Variants in PLIN4 observed in about 807,000 individuals in gnomAD.
The protein encoded by PLIN4 is perilipin 4.
PLIN4 carries 57 observed loss-of-function variants against 52.4 expected under a neutral mutation model. The observed-to-expected ratio is 1.09, with a 90% confidence interval of 0.88 to 1.36. The LOEUF is 1.36. PLIN4 is among the 40% of genes most tolerant of loss of function. The pLI, the probability that PLIN4 is intolerant of heterozygous loss-of-function variation, is 0.00. For synonymous variants in PLIN4, 826 were observed against 785.4 expected (o/e 1.05, Z -0.86); for missense variants, 1,757 against 1,770.3 (o/e 0.99, Z 0.13).
At chr19:4,514,280 A>G (rs2145297364) in intron 4 of PLIN4, among the ~76,000 whole-genome samples, 1 of 152,096 alleles carries the variant, frequency 6.6e-6, no homozygotes, top group South Asian at 2.1e-4. Flanking sequence ...AACAAGACCC[A>G]GTCTCTACAA....
Position 4,510,789 on chromosome 19 carries a change from A to G in PLIN4, c.3171T>C (p.Pro1057=), listed in dbSNP as rs771128108. 6.3e-7 allele frequency: 1 copy of G among 1,594,266 alleles called. No homozygotes were observed. The highest frequency in any genetic ancestry group is 8.6e-7 in the Non-Finnish European group (1 of 1,167,396). The change falls in exon 5 of 8, where the codon CCT becomes CCC. Residue 1057 remains proline, a synonymous_variant. Coordinates refer to ENST00000301286, the MANE Select transcript of PLIN4 (RefSeq NM_001367868.2). ...CACCCCAGGAGGTGGCGGGGGTACTAGGTAACCAGTTCTGGAAGGTGCTGA... is the reference window on the plus strand; with the variant it reads ...CACCCCAGGAGGTGGCGGGGGTACTGGGTAACCAGTTCTGGAAGGTGCTGA... ...TGLSTFQNWL[P]STPATSWGGL...
chr19:4,510,473 A>G lies in PLIN4; in HGVS notation c.3487T>C (p.Phe1163Leu). 7.0e-7 allele frequency: 1 copy of G among 1,437,364 alleles called. No individual in the cohort carries two copies. The highest frequency in any genetic ancestry group is 1.8e-5 in the South Asian group (1 of 56,460). The allele number at this position is 1,437,364 out of a possible 1,614,324, so 89.0% of individuals were successfully genotyped here. Residue 1163 changes from phenylalanine (F) to leucine (L), a missense_variant, in exon 5 of 8, where the codon TTC becomes CTC. Around this residue, in one of 7 missense-constraint regions of PLIN4, gnomAD observed 712 missense variants for 637.1 expected, o/e 1.12. Transcript: ENST00000301286. ...TGCTCCTCCGCATTCATGGGGTGGA[A>G]GATGTCCCCCAGCCCCTCCAACTCA... The part of the protein sequence containing the change: ...QNELEGLGDI[F>L]HPMNAEEQAQ...
intron 6 of PLIN4, among the ~76,000 whole-genome samples, chr19:4,505,862 C>T (rs951371423): frequency 1.3e-5 from 2 of 152,138 alleles, no homozygotes; most frequent in East Asian, 3.9e-4. Flanking sequence ...CTAATATCCA[C>T]TCTGCAACCC....
Position 4,513,117 on chromosome 19 carries a change from C to A in PLIN4, c.843G>T (p.Val281=), listed in dbSNP as rs539905424. The A allele has an allele frequency of 1.7e-5, 12 of 715,030 alleles. No individual in the cohort carries two copies. Among genetic ancestry groups the A allele is most frequent in the South Asian group, 1.6e-4 (10 of 63,000 alleles). The allele number at this position is 715,030 out of a possible 1,614,324, so 44.3% of individuals were successfully genotyped here. A position where few individuals can be genotyped will look rare whatever the true frequency, so the allele number is the denominator to read the frequency against. Residue 281 remains valine (V), a synonymous_variant, in exon 5 of 8, where the codon GTG becomes GTT. Coordinates refer to ENST00000301286, the MANE Select transcript of PLIN4 (RefSeq NM_001367868.2). ...CGCCGGTCTGGATGGTTCCTTTGGC[C>A]ACATTCATGGCACCAGTCACCCCAC... ...VCSGVTGAMN[V]AKGTIQTGVD... is the part of the protein sequence containing the mutation.
rs185983660 is a variant in PLIN4 at position 4,517,459 on chromosome 19, C to T, written c.196+95G>A. The T allele has an allele frequency of 7.0e-5, 100 of 1,436,710 alleles. No individual in the cohort carries two copies. In the African/African-American group the frequency reaches 1.3e-3, roughly 18 times the overall value. The allele number at this position is 1,436,710 out of a possible 1,614,324, so 89.0% of individuals were successfully genotyped here. A position where few individuals can be genotyped will look rare whatever the true frequency, so the allele number is the denominator to read the frequency against. On this transcript the variant is annotated intron_variant, in intron 3 of 7. Transcript: ENST00000301286. Reference sequence around the variant, plus strand: ...AGAGCACACAGACAAATATGGAGGACTCCCCAAATGGCTGGAAGTCCCTGC... The same window carrying T: ...AGAGCACACAGACAAATATGGAGGATTCCCCAAATGGCTGGAAGTCCCTGC...
At chr19:4,508,279 C>T (rs182476332) in intron 6 of PLIN4, among the ~76,000 whole-genome samples, 64 of 152,212 alleles carry the variant, frequency 4.2e-4, no homozygotes, top group African/African-American at 1.5e-3. Context: ...TTTTTTGAGA[C>T]AGAGTCTTGC....
rs1340962459 is a variant in PLIN4, at chr19:4,510,982, G to A, written c.2978C>T (p.Thr993Ile). Residue 993 changes from threonine (T) to isoleucine (I), a missense_variant, in exon 5 of 8, where the codon ACC becomes ATC. Around this residue, in one of 7 missense-constraint regions of PLIN4, gnomAD observed 712 missense variants for 637.1 expected, o/e 1.12. Coordinates refer to ENST00000301286, the MANE Select transcript of PLIN4 (RefSeq NM_001367868.2). ...VDASKAVLMG[T>I]KDTVFSGVTG... ...AACCCCACTGAAGACAGTGTCCTTGGTACCCATAAGCACAGCCTTGGAGGC... is the reference window on the plus strand; with the variant it reads ...AACCCCACTGAAGACAGTGTCCTTGATACCCATAAGCACAGCCTTGGAGGC... 19 of 1,612,982 alleles carry A rather than the reference G, an allele frequency of 1.2e-5. No homozygotes were observed. The highest frequency in any genetic ancestry group is 1.5e-5 in the Non-Finnish European group (18 of 1,179,830).
Position 4,504,732 on chromosome 19 carries a change from G to T in PLIN4, c.3843C>A (p.His1281Gln). 1 of 1,599,838 alleles carries T rather than the reference G, an allele frequency of 6.3e-7. No homozygotes were observed. ...TGGAGACCAGGCCACTGTAGGCCGT[G>T]TGCAGCTGCCGGAGAAGGCCGCAGA... ...SRVCGLLRQLHTAYSGLVSSL... is the reference protein window; with the variant it reads ...SRVCGLLRQLQTAYSGLVSSL... The change falls in exon 8 of 8, where the codon CAC becomes CAA. Residue 1281 changes from histidine (H) to glutamine (Q), a missense_variant. Physicochemically the swap from His to Gln is conservative, Grantham distance 24 (BLOSUM62 0). Around this residue, in one of 7 missense-constraint regions of PLIN4, gnomAD observed 712 missense variants for 637.1 expected, o/e 1.12. Transcript: ENST00000301286.
rs200699570 is a variant in PLIN4 at position 4,512,877 on chromosome 19, A to G, written c.1083T>C (p.Thr361=). 3.0e-5 allele frequency: 42 copies of G among 1,416,524 alleles called. 7 individuals are homozygous for G. In the African/African-American group the frequency reaches 1.1e-3, roughly 37 times the overall value. The allele number at this position is 1,416,524 out of a possible 1,614,324, so 87.7% of individuals were successfully genotyped here. The change falls in exon 5 of 8, where the codon ACT becomes ACC. Residue 361 remains threonine, a synonymous_variant. Coordinates refer to ENST00000301286, the MANE Select transcript of PLIN4 (RefSeq NM_001367868.2). ...CAGTGTTCTTGGTGCCAGTTAGGACAGTCTTGGTGGTGTCCACGCCGGTCT... is the reference window on the plus strand; with the variant it reads ...CAGTGTTCTTGGTGCCAGTTAGGACGGTCTTGGTGGTGTCCACGCCGGTCT... ...TIQTGVDTTK[T]VLTGTKNTVC... is the part of the protein sequence containing the mutation.
In PLIN4 at chr19:4,504,418, A is replaced by T. The variant is rs1406287636; in HGVS notation, c.*41T>A. On this transcript the variant is annotated 3_prime_UTR_variant, in exon 8 of 8. Coordinates refer to ENST00000301286, the MANE Select transcript of PLIN4 (RefSeq NM_001367868.2). ...GTTCTGAGGCAGCTCCTCCCTGGAC[A>T]GAGCAGGGCGACCCCGCGCCGGGCC... is the stretch of plus-strand genomic sequence containing the variant. 2 of 1,464,572 alleles carry T rather than the reference A, an allele frequency of 1.4e-6. No homozygotes were observed. The highest frequency in any genetic ancestry group is 1.8e-6 in the Non-Finnish European group (2 of 1,104,654). 90.7% of individuals were successfully genotyped at this position (1,464,572 alleles called of 1,614,324 possible).
At chr19:4,509,712 G>A (rs1976226427) in intron 5 of PLIN4, among the ~76,000 whole-genome samples, 1 of 152,170 alleles carries the variant, frequency 6.6e-6, no homozygotes, top group African/African-American at 2.4e-5. Flanking sequence ...GGCTGAGGCT[G>A]GAGGATCACT....
chr19:4,508,218 C>T (rs1396712787), intron 6 of PLIN4, among the ~76,000 whole-genome samples: 1 of 152,200 alleles, frequency 6.6e-6, no homozygotes, highest in Non-Finnish European at 1.5e-5. Flanking sequence ...AGCCCACATC[C>T]CCCTCTGCAC....
Position 4,518,475 on chromosome 19 carries a change from C to A in PLIN4, c.-108G>T. The A allele has an allele frequency of 8.2e-7, 1 of 1,216,426 alleles. No individual in the cohort carries two copies. The highest frequency in any genetic ancestry group is 1.0e-6 in the Non-Finnish European group (1 of 978,558). 75.4% of individuals were successfully genotyped at this position (1,216,426 alleles called of 1,614,324 possible). A position where few individuals can be genotyped will look rare whatever the true frequency, so the allele number is the denominator to read the frequency against. ...GGGTCCCCTGGAGGACGGACCGGCC[C>A]GGCTGGCAGCTGGCTCTACCCTCAG... On this transcript the variant is annotated 5_prime_UTR_variant, in exon 1 of 8. Transcript: ENST00000301286.
rs751409801 is a variant in PLIN4 at position 4,511,783 on chromosome 19, A to T, written c.2177T>A (p.Leu726Gln). Residue 726 changes from leucine to glutamine, a missense_variant, in exon 5 of 8, where the codon CTA becomes CAA. By Grantham distance (113) the Leu-to-Gln change is moderately radical (BLOSUM62 -2). Transcript: ENST00000301286. ...GCAGACGGTGTCCTTGGTACCAGTTAGGACAGTCTTGGTGGTGTCCACACT... is the reference window on the plus strand; with the variant it reads ...GCAGACGGTGTCCTTGGTACCAGTTTGGACAGTCTTGGTGGTGTCCACACT... Reference protein sequence around the residue: ...QTSVDTTKTVLTGTKDTVCSG... With the variant: ...QTSVDTTKTVQTGTKDTVCSG... 7 of 1,602,344 alleles carry T rather than the reference A, an allele frequency of 4.4e-6. No individual in the cohort carries two copies. The South Asian group carries it at 7.7e-5, about 18-fold the overall frequency.
intron 6 of PLIN4, 131 bp downstream of exon 6, chr19:4,508,637 G>T: frequency 3.8e-6 from 4 of 1,054,524 alleles, no homozygotes; most frequent in Non-Finnish European, 5.4e-6. Flanking sequence ...TGAGTACAGA[G>T]CCATGACCAT....
chr19:4,504,834 G>A, intron 7 of PLIN4, 27 bp downstream of exon 7: 2 of 1,602,620 alleles, frequency 1.2e-6, no homozygotes, highest in Non-Finnish European at 1.7e-6. Flanking sequence ...GCGGGGTGGG[G>A]GGACCCTAGC....
chr19:4,507,791 C>T (rs1176927849), intron 6 of PLIN4, among the ~76,000 whole-genome samples: 2 of 152,022 alleles, frequency 1.3e-5, no homozygotes, highest in East Asian at 1.9e-4. Context: ...GGACTGGGGA[C>T]GGGGAGACTG....
In PLIN4 at chr19:4,518,229, T is replaced by G; in HGVS notation, c.44A>C (p.Lys15Thr). ...DEGRRDPPKPKGKTLGSFFGS... is the reference protein window; with the variant it reads ...DEGRRDPPKPTGKTLGSFFGS... ...CCCATTTCCCCTCTTTACCTTGCCC[T>G]TCGGTTTGGGGGGATCCCGTCTCCC... Residue 15 changes from lysine to threonine, a missense_variant, in exon 2 of 8, where the codon AAG becomes ACG. Physicochemically the swap from Lys to Thr is moderately conservative, Grantham distance 78. Around this residue, in one of 7 missense-constraint regions of PLIN4, gnomAD observed 332 missense variants for 310.8 expected, o/e 1.07. Coordinates refer to ENST00000301286, the MANE Select transcript of PLIN4 (RefSeq NM_001367868.2). The G allele has an allele frequency of 8.1e-7, 1 of 1,233,080 alleles. No homozygotes were observed. Among genetic ancestry groups the G allele is most frequent in the Non-Finnish European group, 1.0e-6 (1 of 988,774 alleles). The allele number at this position is 1,233,080 out of a possible 1,614,324, so 76.4% of individuals were successfully genotyped here. A position where few individuals can be genotyped will look rare whatever the true frequency, so the allele number is the denominator to read the frequency against.
At position 4,504,713 on chromosome 19, in the gene PLIN4, C is replaced by G; in HGVS notation, c.3862G>C (p.Val1288Leu). 1 of 1,601,880 alleles carries G rather than the reference C, an allele frequency of 6.2e-7. No individual in the cohort carries two copies. The change falls in exon 8 of 8, where the codon GTC (valine) becomes CTC (leucine). Residue 1288 changes from valine (V) to leucine (L), a missense_variant. Val to Leu is a conservative substitution (Grantham distance 32). This residue lies in a region of PLIN4 where 712 missense variants were observed against 637.1 expected (regional missense o/e 1.12). Transcript: ENST00000301286. Reference protein sequence around the residue: ...RQLHTAYSGLVSSLQGLPAEL... With the variant: ...RQLHTAYSGLLSSLQGLPAEL... ...GCGGGCAGGCCCTGGAGGCTGGAGACCAGGCCACTGTAGGCCGTGTGCAGC... is the reference window on the plus strand; with the variant it reads ...GCGGGCAGGCCCTGGAGGCTGGAGAGCAGGCCACTGTAGGCCGTGTGCAGC...
Sources: gnomAD v4.1 joint callset for allele counts (sites outside exome capture counted in the v4.1 genomes callset) on GRCh38, gnomAD v4.1.1 for gene constraint, gnomAD v4.1.1 regional missense constraint, MANE v1.5 for transcripts, NCBI Gene and HGNC (gene_info 2026-07-23, HGNC 2026-07-21) for gene names.